Variants in EFNB1 observed in about 807,000 individuals in gnomAD.
EFNB1 encodes ephrin B1, also known as ephrin-B1.
EFNB1 carries 1 observed loss-of-function variant against 18.1 expected under a neutral mutation model. The observed-to-expected ratio is 0.06, with a 90% CI of 0.02 to 0.26. EFNB1 has a LOEUF of 0.26. Among genes scored for constraint, EFNB1 ranks in the 10% least tolerant of loss-of-function variants. The pLI is 1.00. For synonymous variants in EFNB1, 131 were observed against 127.5 expected (o/e 1.03, Z -0.19); for missense variants, 221 against 301.8 (o/e 0.73, Z 1.98).
Position 68,840,055 on chromosome X carries a change from C to T in EFNB1, c.595C>T (p.Arg199Trp), listed in dbSNP as rs546056194. 48 of 1,210,457 alleles carry T rather than the reference C, an allele frequency of 4.0e-5. No individual in the cohort carries two copies. Among genetic ancestry groups the T allele is most frequent in the African/African-American group, 5.2e-5 (3 of 57,306 alleles). The change falls in exon 4 of 5, where the codon CGG becomes TGG. Residue 199 changes from arginine to tryptophan, a missense_variant. Arg to Trp is a moderately radical substitution (Grantham distance 101). Transcript: ENST00000204961. The stretch of plus-strand genomic sequence containing the variant: ...GATGGCCACACAGGCCCCTGGTAGT[C>T]GGGGCTCCCTGGGTGACTCTGATGG... ...VKMATQAPGS[R>W]GSLGDSDGKH...
At position 68,840,020 on chromosome X, in the gene EFNB1, A is replaced by G. The variant is rs763881049; in HGVS notation, c.560A>G (p.Asn187Ser). 3 of 1,212,082 alleles carry G rather than the reference A, an allele frequency of 2.5e-6. No homozygotes were observed. In the South Asian group the frequency reaches 5.3e-5, roughly 21 times the overall value. The stretch of plus-strand genomic sequence containing the variant: ...AGCAGGCCCAGCAAGGAGGCAGACA[A>G]CACTGTCAAGATGGCCACACAGGCC... Reference protein sequence around the residue: ...TTSRPSKEADNTVKMATQAPG... With the variant: ...TTSRPSKEADSTVKMATQAPG... The change falls in exon 4 of 5, where the codon AAC (asparagine) becomes AGC (serine). Residue 187 changes from asparagine to serine, a missense_variant. Physicochemically the swap from Asn to Ser is conservative, Grantham distance 46. Coordinates refer to ENST00000204961, the MANE Select transcript of EFNB1 (RefSeq NM_004429.5).
rs3085479 is a variant in EFNB1, at chrX:68,832,811, C to CGTGTGTGTGT, written c.128+2928_128+2937dup. Among the ~76,000 whole-genome samples the CGTGTGTGTGT allele has an allele frequency of 5.5e-3, 540 of 97,354 alleles. 2 individuals are homozygous for CGTGTGTGTGT. Among genetic ancestry groups the CGTGTGTGTGT allele is most frequent in the African/African-American group, 0.013 (324 of 25,597 alleles). 84.5% of individuals were successfully genotyped at this position (97,354 alleles called of 115,157 possible). On this transcript the variant is annotated intron_variant, in intron 1 of 4. Transcript: ENST00000204961. ...TTTTTTTTAGGAACCTCTGTGTGTGCGTGTGTGTGTGTGTGTGTGTGTGTG... is the reference window on the plus strand; with the variant it reads ...TTTTTTTTAGGAACCTCTGTGTGTGCGTGTGTGTGTGTGTGTGTGTGTGTGTGTGTGTGTG...
intron 1 of EFNB1, among the ~76,000 whole-genome samples, 154 bp from the exon 2 acceptor site, chrX:68,838,463 C>T (rs898952021): frequency 4.5e-5 from 5 of 111,745 alleles, no homozygotes; most frequent in African/African-American, 1.6e-4. Flanking sequence ...TCTCTCTCCC[C>T]ACCCCCAGCC....
At position 68,840,361 on chromosome X, in the gene EFNB1, A is replaced by G. The variant is rs1389189354; in HGVS notation, c.748A>G (p.Ile250Val). Residue 250 changes from isoleucine to valine, a missense_variant, in exon 5 of 5, where the codon ATC becomes GTC. Ile to Val is a conservative substitution (Grantham distance 29). Coordinates refer to ENST00000204961, the MANE Select transcript of EFNB1 (RefSeq NM_004429.5). Reference protein sequence around the residue: ...LFAAVGAGCVIFLLIIIFLTV... With the variant: ...LFAAVGAGCVVFLLIIIFLTV... The stretch of plus-strand genomic sequence containing the variant: ...CGCGGCTGTCGGTGCCGGTTGCGTC[A>G]TCTTCCTGCTCATCATCATCTTCCT... 1 of 1,211,589 alleles carries G rather than the reference A, an allele frequency of 8.3e-7. No individual in the cohort carries two copies. Among genetic ancestry groups the G allele is most frequent in the African/African-American group, 1.7e-5 (1 of 57,740 alleles).
chrX:68,838,172 T>TGTGC (rs1414068420), intron 1 of EFNB1, among the ~76,000 whole-genome samples: 17 of 31,748 alleles, frequency 5.4e-4, no homozygotes, highest in Non-Finnish European at 7.5e-4. Flanking sequence ...TGTGTGTGTG[T>TGTGC]GCGCGCGCGC....
At chrX:68,835,610 G>A (rs2080458767) in intron 1 of EFNB1, among the ~76,000 whole-genome samples, 1 of 111,419 alleles carries the variant, frequency 9.0e-6, no homozygotes, top group Non-Finnish European at 1.9e-5. Context: ...AGATGCTAAG[G>A]TTACCAGTAT....
chrX:68,838,583 C>A (rs772218757), intron 1 of EFNB1, 34 bp from the exon 2 acceptor site: 3 of 1,210,590 alleles, frequency 2.5e-6, no homozygotes, highest in South Asian at 1.8e-5. Flanking sequence ...CCACCCCCAA[C>A]CCTGAGGCTG....
In EFNB1 at chrX:68,840,797, T is replaced by C; in HGVS notation, c.*143T>C. On this transcript the variant is annotated 3_prime_UTR_variant, in exon 5 of 5. Transcript: ENST00000204961. ...TTCTTGGCTTTTATAATCCCCCTTT[T>C]TCCCTGCCCCCTGGGCTTCGGAGGG... The C allele has an allele frequency of 1.4e-6, 1 of 694,433 alleles. No individual in the cohort carries two copies. The highest frequency in any genetic ancestry group is 3.6e-5 in the East Asian group (1 of 28,168). The allele number at this position is 694,433 out of a possible 1,213,427, so 57.2% of individuals were successfully genotyped here.
rs371670091 is a variant in EFNB1 at position 68,840,119 on chromosome X, G to A, written c.628+31G>A. 13 of 1,210,173 alleles carry A rather than the reference G, an allele frequency of 1.1e-5. No individual in the cohort carries two copies. In the African/African-American group the frequency reaches 1.4e-4, roughly 13 times the overall value. On this transcript the variant is annotated intron_variant, in intron 4 of 4. Transcript: ENST00000204961. Reference sequence around the variant, plus strand: ...TGTATGTGTTTCCCAGAGGTCAGGAGCCATTGCTCTGTCACCTTGTTAGGC... The same window carrying A: ...TGTATGTGTTTCCCAGAGGTCAGGAACCATTGCTCTGTCACCTTGTTAGGC...
chrX:68,834,693 G>T (rs1373315275), intron 1 of EFNB1, among the ~76,000 whole-genome samples: 1 of 113,103 alleles, frequency 8.8e-6, no homozygotes, highest in Non-Finnish European at 1.9e-5. Flanking sequence ...CCTGGGAGGT[G>T]CAGGTGCAGT....
intron 1 of EFNB1, among the ~76,000 whole-genome samples, chrX:68,834,410 A>G (rs1367871831): frequency 8.9e-6 from 1 of 112,461 alleles, no homozygotes; most frequent in Non-Finnish European, 1.9e-5. Flanking sequence ...GGCATAGTTC[A>G]GTGTAGATGG....
rs367547472 is a variant in EFNB1, at chrX:68,834,560, C to T, written c.129-4057C>T. The stretch of plus-strand genomic sequence containing the variant: ...ATGCCAGGCCTGCTCCTGCCAGCCT[C>T]GGGGGCTGGGTGGAGCTGGGGGAGT... On this transcript the variant is annotated intron_variant, in intron 1 of 4. Transcript: ENST00000204961. Among the ~76,000 whole-genome samples, 4 of 113,175 alleles carry T rather than the reference C, an allele frequency of 3.5e-5. No homozygotes were observed. In the East Asian group the frequency reaches 8.4e-4, roughly 24 times the overall value.
At position 68,829,536 on chromosome X, in the gene EFNB1, G is replaced by A. The variant is rs914324008; in HGVS notation, c.-241G>A. 4 of 448,656 alleles carry A rather than the reference G, an allele frequency of 8.9e-6. No individual in the cohort carries two copies. In the South Asian group the frequency reaches 9.8e-5, roughly 11 times the overall value. 37.0% of individuals were successfully genotyped at this position (448,656 alleles called of 1,213,427 possible). On this transcript the variant is annotated 5_prime_UTR_variant, in exon 1 of 5. Transcript: ENST00000204961. ...TCGTGCGGCAGCGGAGAGCCCAGGAGAACGAGCCCTCGGGGGCCGAAGCCC... is the reference window on the plus strand; with the variant it reads ...TCGTGCGGCAGCGGAGAGCCCAGGAAAACGAGCCCTCGGGGGCCGAAGCCC...
intron 1 of EFNB1, among the ~76,000 whole-genome samples, chrX:68,830,398 C>T (rs1228922169): frequency 8.8e-6 from 1 of 113,052 alleles, no homozygotes; most frequent in Non-Finnish European, 1.9e-5. Context: ...GCAGCGCCAA[C>T]ATCCCCACTC....
At chrX:68,839,359 A>G (rs1212881067) in intron 2 of EFNB1, among the ~76,000 whole-genome samples, 2 of 112,142 alleles carry the variant, frequency 1.8e-5, no homozygotes, top group Admixed American at 9.4e-5. Context: ...CTTTCAGTCT[A>G]TGTAGAAGCC....
intron 1 of EFNB1, 120 bp from the exon 2 acceptor site, chrX:68,838,497 G>A: frequency 1.2e-6 from 1 of 828,987 alleles, no homozygotes; most frequent in Non-Finnish European, 1.8e-6. Flanking sequence ...AGGGCAGAAG[G>A]CTTGCTCTTG....
rs1485291517 is a variant in EFNB1 at position 68,840,325 on chromosome X, G to T, written c.712G>T (p.Val238Leu). 8.3e-7 allele frequency: 1 copy of T among 1,211,932 alleles called. No homozygotes were observed. Reference protein sequence around the residue: ...GDPDGFFNSKVALFAAVGAGC... With the variant: ...GDPDGFFNSKLALFAAVGAGC... Reference sequence around the variant, plus strand: ...CCCTGATGGCTTCTTCAACTCCAAGGTGGCATTGTTCGCGGCTGTCGGTGC... The same window carrying T: ...CCCTGATGGCTTCTTCAACTCCAAGTTGGCATTGTTCGCGGCTGTCGGTGC... The change falls in exon 5 of 5, where the codon GTG (valine) becomes TTG (leucine). Residue 238 changes from valine to leucine, a missense_variant. Transcript: ENST00000204961.
intron 1 of EFNB1, among the ~76,000 whole-genome samples, chrX:68,833,083 T>TG (rs1219937120): frequency 2.0e-5 from 2 of 101,350 alleles, no homozygotes; most frequent in Non-Finnish European, 4.0e-5. Flanking sequence ...GGGGTGGGGG[T>TG]GGGGGGGTTC....
chrX:68,830,108 C>T (rs1009900155), intron 1 of EFNB1, among the ~76,000 whole-genome samples: 1 of 110,980 alleles, frequency 9.0e-6, no homozygotes, highest in Non-Finnish European at 1.9e-5. Flanking sequence ...TGGGTTGTGA[C>T]CCCCCGGGCT....
Sources: allele counts gnomAD v4.1 joint callset (sites outside exome capture counted in the v4.1 genomes callset), GRCh38; gene constraint gnomAD v4.1.1; transcripts MANE v1.5; gene names NCBI Gene and HGNC (gene_info 2026-07-23, HGNC 2026-07-21).